The following SIRPA variants were observed in gnomAD, a reference collection of about 807,000 sequenced individuals.
SIRPA encodes tyrosine-protein phosphatase non-receptor type substrate 1.
Under a neutral mutation model 50.3 loss-of-function variants are expected in SIRPA, and 9 were observed. That is an observed-to-expected ratio of 0.18 (90% confidence interval 0.11 to 0.31). The LOEUF (loss-of-function observed/expected upper bound fraction) is 0.31, where lower values mean the gene tolerates loss of function less well. SIRPA is among the 10% of genes least tolerant of loss of function. The pLI is 1.00. For synonymous variants in SIRPA, 265 were observed against 284.1 expected (o/e 0.93, Z 0.68); for missense variants, 474 against 661.6 (o/e 0.72, Z 3.11).
rs1341011282 is a variant in SIRPA, at chr20:1,895,534, C to T, written c.79+8C>T. On this transcript the variant is annotated splice_region_variant and intron_variant, in intron 1 of 7. Coordinates refer to ENST00000358771, the MANE Select transcript of SIRPA (RefSeq NM_001040023.2). ...CGTCCTGCGCCTGGTCAGGTAAGCA[C>T]CCCCCCGCTCCCCACCGCTGCACTC... 14 of 1,430,348 alleles carry T rather than the reference C, an allele frequency of 9.8e-6. No individual in the cohort carries two copies. Among genetic ancestry groups the T allele is most frequent in the Middle Eastern group, 1.9e-4 (1 of 5,404 alleles). 88.6% of individuals were successfully genotyped at this position (1,430,348 alleles called of 1,614,324 possible). A position where few individuals can be genotyped will look rare whatever the true frequency, so the allele number is the denominator to read the frequency against.
At position 1,934,772 on chromosome 20, in the gene SIRPA, A is replaced by C; in HGVS notation, c.1266+18A>C. 1 of 1,613,700 alleles carries C rather than the reference A, an allele frequency of 6.2e-7. No homozygotes were observed. Among genetic ancestry groups the C allele is most frequent in the Non-Finnish European group, 8.5e-7 (1 of 1,179,806 alleles). On this transcript the variant is annotated intron_variant, in intron 7 of 7. Coordinates refer to ENST00000358771, the MANE Select transcript of SIRPA (RefSeq NM_001040023.2). The surrounding 1 kb of genome is among the most constrained non-coding windows in gnomAD (Gnocchi z 4.6). ...TAACACAGGTACAGTCCTTGGTGAG[A>C]TGCCCTTCCTGGGAAACTCCGTGGC...
At chr20:1,912,286 C>T (rs1442405123) in intron 1 of SIRPA, among the ~76,000 whole-genome samples, 1 of 152,222 alleles carries the variant, frequency 6.6e-6, no homozygotes, top group African/African-American at 2.4e-5. Context: ...TCACCAACTG[C>T]TGACTCACAG....
chr20:1,907,766 G>GA (rs1984632831), intron 1 of SIRPA, among the ~76,000 whole-genome samples: 3 of 152,210 alleles, frequency 2.0e-5, no homozygotes, highest in African/African-American at 7.2e-5. Context: ...TCTAGGACAG[G>GA]GCCTGGCAGC....
At position 1,902,669 on chromosome 20, in the gene SIRPA, T is replaced by G. The variant is rs111983633; in HGVS notation, c.79+7143T>G. Among the ~76,000 whole-genome samples the G allele has an allele frequency of 1.3e-3, 194 of 152,160 alleles. 1 individual carries two copies. The highest frequency in any genetic ancestry group is 4.5e-3 in the African/African-American group (186 of 41,510). ...AGCAGGAGGAGGGAAGGGAGAAGGT[T>G]AGTCAGGACAGAGGGAGGGCCGCTC... On this transcript the variant is annotated intron_variant, in intron 1 of 7. Coordinates refer to ENST00000358771, the MANE Select transcript of SIRPA (RefSeq NM_001040023.2).
chr20:1,922,682 A>T (rs1985741228), intron 4 of SIRPA, 37 bp downstream of exon 4: 1 of 1,554,982 alleles, frequency 6.4e-7, no homozygotes, highest in African/African-American at 1.4e-5. Context: ...GCTTTTTTAA[A>T]CTTTTAGTTT....
At chr20:1,930,679 T>C (rs149356413) in intron 6 of SIRPA, among the ~76,000 whole-genome samples, 1,688 of 152,252 alleles carry the variant, frequency 0.011, 41 homozygotes, top group African/African-American at 0.039. Flanking sequence ...CAACCTCCGC[T>C]TCCTAGGTTC....
chr20:1,894,641 G>A (rs1221332075), upstream of SIRPA: 1 of 150,472 alleles, frequency 6.6e-6, no homozygotes, highest in Non-Finnish European at 1.5e-5. This position sits in a 1 kb window ranked among gnomAD's most constrained non-coding sequence, Gnocchi z 4.0. Context: ...GAGCCCCAGC[G>A]GGCCGCGGCG....
intron 1 of SIRPA, among the ~76,000 whole-genome samples, chr20:1,907,070 T>C (rs1271872272): frequency 6.6e-6 from 1 of 152,202 alleles, no homozygotes; most frequent in Non-Finnish European, 1.5e-5. Flanking sequence ...ACCTGAGCTC[T>C]GGACAGTCTT....
chr20:1,937,241 G>A lies in SIRPA; in HGVS notation c.1267-79G>A. On this transcript the variant is annotated intron_variant, in intron 7 of 7. Coordinates refer to ENST00000358771, the MANE Select transcript of SIRPA (RefSeq NM_001040023.2). This position sits in a 1 kb window ranked among gnomAD's most constrained non-coding sequence, Gnocchi z 8.3. ...AGAGGACACAGAAGCATCCAGACTT[G>A]GTATTCAGTTTGAGTGAGTGGGCCA... The A allele has an allele frequency of 6.6e-7, 1 of 1,509,740 alleles. No individual in the cohort carries two copies. Among genetic ancestry groups the A allele is most frequent in the Non-Finnish European group, 9.0e-7 (1 of 1,108,516 alleles). The allele number at this position is 1,509,740 out of a possible 1,614,324, so 93.5% of individuals were successfully genotyped here. A position where few individuals can be genotyped will look rare whatever the true frequency, so the allele number is the denominator to read the frequency against.
chr20:1,922,332 T>C lies in SIRPA; in HGVS notation c.774T>C (p.Val258=), dbSNP rs1204275806. The change falls in exon 4 of 8, where the codon GTT becomes GTC. Residue 258 remains valine (V), a synonymous_variant. Coordinates refer to ENST00000358771, the MANE Select transcript of SIRPA (RefSeq NM_001040023.2). ...TTTCAGTTCCACCCACCTTGGAGGT[T>C]ACTCAACAGCCCGTGAGGGCAGAGA... ...ETIRVPPTLE[V]TQQPVRAENQ... is the part of the protein sequence containing the mutation. 6.2e-7 allele frequency: 1 copy of C among 1,614,118 alleles called. No homozygotes were observed. Among genetic ancestry groups the C allele is most frequent in the South Asian group, 1.1e-5 (1 of 91,088 alleles).
chr20:1,937,308 T>C lies in SIRPA; in HGVS notation c.1267-12T>C, dbSNP rs779931104. The C allele has an allele frequency of 5.0e-6, 8 of 1,606,650 alleles. No homozygotes were observed. The highest frequency in any genetic ancestry group is 2.2e-5 in the East Asian group (1 of 44,644). ...CTTCTCATGACTTTCTCTTTGGGTA[T>C]CTTAAATCCAGGACACAAATGATAT... is the stretch of plus-strand genomic sequence containing the variant. On this transcript the variant is annotated splice_polypyrimidine_tract_variant and intron_variant, in intron 7 of 7. Coordinates refer to ENST00000358771, the MANE Select transcript of SIRPA (RefSeq NM_001040023.2). This position sits in a 1 kb window ranked among gnomAD's most constrained non-coding sequence, Gnocchi z 8.3.
Position 1,932,108 on chromosome 20 carries a change from A to G in SIRPA, c.1227-2607A>G, listed in dbSNP as rs892548408. On this transcript the variant is annotated intron_variant, in intron 6 of 7. Transcript: ENST00000358771. The surrounding 1 kb of genome is among the most constrained non-coding windows in gnomAD (Gnocchi z 6.0). ...TTCAGCAAATACATATGGACTGCTGACGATGTGCCAGCCCAGTTCTTGGTG... is the reference window on the plus strand; with the variant it reads ...TTCAGCAAATACATATGGACTGCTGGCGATGTGCCAGCCCAGTTCTTGGTG... Among the ~76,000 whole-genome samples the G allele has an allele frequency of 1.3e-5, 2 of 152,136 alleles. No individual in the cohort carries two copies. The highest frequency in any genetic ancestry group is 4.8e-5 in the African/African-American group (2 of 41,426).
At position 1,936,836 on chromosome 20, in the gene SIRPA, A is replaced by G. The variant is rs145463922; in HGVS notation, c.1267-484A>G. Among the ~76,000 whole-genome samples, 159 of 152,306 alleles carry G rather than the reference A, an allele frequency of 1.0e-3. No homozygotes were observed. The highest frequency in any genetic ancestry group is 1.0e-3 in the Non-Finnish European group (69 of 68,024). Reference sequence around the variant, plus strand: ...TAGCGGGCCCTGTGATGGAAAACAAACATGGGCTGAGGAAGCACAAAGAAG... The same window carrying G: ...TAGCGGGCCCTGTGATGGAAAACAAGCATGGGCTGAGGAAGCACAAAGAAG... On this transcript the variant is annotated intron_variant, in intron 7 of 7. Transcript: ENST00000358771. This position sits in a 1 kb window ranked among gnomAD's most constrained non-coding sequence, Gnocchi z 4.2.
In SIRPA at chr20:1,919,711, C is replaced by A. The variant is rs567900445; in HGVS notation, c.437-1684C>A. On this transcript the variant is annotated intron_variant, in intron 2 of 7. Coordinates refer to ENST00000358771, the MANE Select transcript of SIRPA (RefSeq NM_001040023.2). ...TGTTCCCTCCTCCTTTAAAATGCTT[C>A]CAGCTTCTGTAAATGGCTCTTCTGG... 1.5e-3 allele frequency among the ~76,000 whole-genome samples: 231 copies of A among 152,284 alleles called. 2 individuals are homozygous for A. The highest frequency in any genetic ancestry group is 5.3e-3 in the African/African-American group (221 of 41,564).
chr20:1,900,424 A>G (rs1984119573), intron 1 of SIRPA, among the ~76,000 whole-genome samples: 1 of 152,120 alleles, frequency 6.6e-6, no homozygotes, highest in Non-Finnish European at 1.5e-5. Context: ...TGGGGGATGG[A>G]CAAGTTGAGT....
intron 4 of SIRPA, among the ~76,000 whole-genome samples, chr20:1,923,848 C>G (rs1600440340): frequency 6.6e-6 from 1 of 152,236 alleles, no homozygotes; most frequent in African/African-American, 2.4e-5. Context: ...TTCATGACCC[C>G]TCAGCTCTGA....
rs999650373 is a variant in SIRPA, at chr20:1,938,679, G to A, written c.*1111G>A. 2 of 152,670 alleles carry A rather than the reference G, an allele frequency of 1.3e-5. No individual in the cohort carries two copies. Among genetic ancestry groups the A allele is most frequent in the Admixed American group, 6.5e-5 (1 of 15,278 alleles). 9.5% of individuals were successfully genotyped at this position (152,670 alleles called of 1,614,324 possible). On this transcript the variant is annotated 3_prime_UTR_variant, in exon 8 of 8. Transcript: ENST00000358771. ...TTGGCCATGTTCTCAGCTGAGCCAC[G>A]CGGCTGGTAGTGCAGCCTTCTGTGA...
Position 1,915,422 on chromosome 20 carries a change from A to G in SIRPA, c.403A>G (p.Lys135Glu), listed in dbSNP as rs1237114618. The G allele has an allele frequency of 1.9e-6, 3 of 1,613,000 alleles. No individual in the cohort carries two copies. Among genetic ancestry groups the G allele is most frequent in the Non-Finnish European group, 2.5e-6 (3 of 1,179,468 alleles). ...AGGGAGCCCCGATGACGTGGAGTTTAAGTCTGGAGCAGGCACTGAGCTGTC... is the reference window on the plus strand; with the variant it reads ...AGGGAGCCCCGATGACGTGGAGTTTGAGTCTGGAGCAGGCACTGAGCTGTC... ...RKGSPDDVEF[K>E]SGAGTELSVR... Residue 135 changes from lysine (K) to glutamate (E), a missense_variant, in exon 2 of 8, where the codon AAG becomes GAG. Physicochemically the swap from Lys to Glu is moderately conservative, Grantham distance 56. Transcript: ENST00000358771.
chr20:1,905,403 A>G (rs1984484916), intron 1 of SIRPA, among the ~76,000 whole-genome samples: 1 of 152,134 alleles, frequency 6.6e-6, no homozygotes. Flanking sequence ...CTGCTTCCTC[A>G]TCTGTAGGAG....
Sources: allele counts gnomAD v4.1 joint callset (sites outside exome capture counted in the v4.1 genomes callset), GRCh38; gene constraint gnomAD v4.1.1; non-coding constraint Gnocchi (gnomAD v3.1); transcripts MANE v1.5; gene names NCBI Gene and HGNC (gene_info 2026-07-23, HGNC 2026-07-21).